Variants in C5orf24 observed in about 807,000 individuals in gnomAD.
The protein encoded by C5orf24 is chromosome 5 open reading frame 24.
In C5orf24, 4 loss-of-function variants were observed where a neutral mutation model predicts 9.8. That is an observed-to-expected ratio of 0.41 (90% CI 0.20 to 0.93). The LOEUF (loss-of-function observed/expected upper bound fraction) is 0.93, where lower values mean the gene tolerates loss of function less well. Ranked by LOEUF, C5orf24 falls within the 40% of genes least tolerant of loss-of-function variation. The pLI is 0.33. For synonymous variants in C5orf24, 73 were observed against 81.3 expected (o/e 0.90, Z 0.55); for missense variants, 170 against 236.9 (o/e 0.72, Z 1.85).
At chr5:134,845,502 TC>T (rs1282503016), upstream of C5orf24, among the ~76,000 whole-genome samples, 4 of 152,332 alleles carry the variant, frequency 2.6e-5, 1 homozygote, top group Middle Eastern at 6.8e-3. Context: ...AGTTTGTTGT[TC>T]CATCCTTTCC....
rs1478601057 is a variant in C5orf24, at chr5:134,846,020, G to C, written c.-196G>C. 1 of 152,342 alleles carries C rather than the reference G, an allele frequency of 6.6e-6. No individual in the cohort carries two copies. The highest frequency in any genetic ancestry group is 1.5e-5 in the Non-Finnish European group (1 of 68,154). The allele number at this position is 152,342 out of a possible 1,614,324, so 9.4% of individuals were successfully genotyped here. A position where few individuals can be genotyped will look rare whatever the true frequency, so the allele number is the denominator to read the frequency against. On this transcript the variant is annotated 5_prime_UTR_variant, in exon 1 of 2. Coordinates refer to ENST00000394976, the MANE Select transcript of C5orf24 (RefSeq NM_001135586.1). ...CGTACTGCGTCCGGGGCAGGACCGT[G>C]CGCGGCGGCCGCGGCGGGTGCTGGG... is the stretch of plus-strand genomic sequence containing the variant.
At chr5:134,848,171 C>T (rs927567156) in intron 1 of C5orf24, among the ~76,000 whole-genome samples, 1 of 151,402 alleles carries the variant, frequency 6.6e-6, no homozygotes, top group Non-Finnish European at 1.5e-5. Context: ...ATTAGCCAGG[C>T]GTGGTGGCTG....
At position 134,846,053 on chromosome 5, in the gene C5orf24, G is replaced by T. The variant is rs925236512; in HGVS notation, c.-163G>T. 2 of 152,328 alleles carry T rather than the reference G, an allele frequency of 1.3e-5. No homozygotes were observed. Among genetic ancestry groups the T allele is most frequent in the African/African-American group, 4.8e-5 (2 of 41,454 alleles). The allele number at this position is 152,328 out of a possible 1,614,324, so 9.4% of individuals were successfully genotyped here. On this transcript the variant is annotated 5_prime_UTR_variant, in exon 1 of 2. Coordinates refer to ENST00000394976, the MANE Select transcript of C5orf24 (RefSeq NM_001135586.1). ...GCCGCGGCGGGTGCTGGGAGCCAGC[G>T]CCTGCCTCGCCGCCGCCCTCGCTGC...
chr5:134,852,012 C>T (rs1251030433), intron 1 of C5orf24, among the ~76,000 whole-genome samples: 1 of 152,250 alleles, frequency 6.6e-6, no homozygotes, highest in Non-Finnish European at 1.5e-5. Context: ...ACGATCTCAG[C>T]TCACTGCAAC....
In C5orf24 at chr5:134,859,031, T is replaced by C. The variant is rs1045608023; in HGVS notation, c.*3564T>C. ...TGAGTTGAGGAGAAAAAAATATATA[T>C]GTGGGTCCATTTATTAGGTTAAAGT... On this transcript the variant is annotated 3_prime_UTR_variant, in exon 2 of 2. Coordinates refer to ENST00000394976, the MANE Select transcript of C5orf24 (RefSeq NM_001135586.1). 6.0e-6 allele frequency: 1 copy of C among 166,908 alleles called. No individual in the cohort carries two copies. The highest frequency in any genetic ancestry group is 1.5e-5 in the Non-Finnish European group (1 of 68,020). 10.3% of individuals were successfully genotyped at this position (166,908 alleles called of 1,614,324 possible).
At position 134,846,020 on chromosome 5, in the gene C5orf24, GCGCGGCGGC is replaced by G. The variant is rs935587305; in HGVS notation, c.-187_-179del. 14 of 152,342 alleles carry G rather than the reference GCGCGGCGGC, an allele frequency of 9.2e-5. No homozygotes were observed. The highest frequency in any genetic ancestry group is 2.9e-4 in the African/African-American group (12 of 41,466). The allele number at this position is 152,342 out of a possible 1,614,324, so 9.4% of individuals were successfully genotyped here. ...CGTACTGCGTCCGGGGCAGGACCGTGCGCGGCGGCCGCGGCGGGTGCTGGGAGCCAGCGC... is the reference window on the plus strand; with the variant it reads ...CGTACTGCGTCCGGGGCAGGACCGTGCGCGGCGGGTGCTGGGAGCCAGCGC... On this transcript the variant is annotated 5_prime_UTR_variant, in exon 1 of 2. Transcript: ENST00000394976.
At position 134,855,010 on chromosome 5, in the gene C5orf24, C is replaced by T; in HGVS notation, c.110C>T (p.Ser37Phe). The T allele has an allele frequency of 6.2e-7, 1 of 1,614,108 alleles. No individual in the cohort carries two copies. Among genetic ancestry groups the T allele is most frequent in the Non-Finnish European group, 8.5e-7 (1 of 1,180,032 alleles). The part of the protein sequence containing the change: ...RAADQFDIYS[S>F]QQSKYSHTVN... ...GCTGATCAGTTTGACATATATTCCT[C>T]CCAGCAAAGCAAATACAGCCACACA... is the stretch of plus-strand genomic sequence containing the variant. The change falls in exon 2 of 2, where the codon TCC becomes TTC. Residue 37 changes from serine (S) to phenylalanine (F), a missense_variant. Ser to Phe is a radical substitution (Grantham distance 155). Around this residue, in one of 3 missense-constraint regions of C5orf24, gnomAD observed 93 missense variants for 104.5 expected, o/e 0.89. Transcript: ENST00000394976.
the C5orf24 span, among the ~76,000 whole-genome samples, chr5:134,835,529 C>T: frequency 1.3e-5 from 2 of 152,114 alleles, no homozygotes; most frequent in African/African-American, 4.8e-5. Context: ...CGCCTATAAT[C>T]CCAGCTACTT....
Position 134,855,951 on chromosome 5 carries a change from G to A in C5orf24, c.*484G>A. On this transcript the variant is annotated 3_prime_UTR_variant, in exon 2 of 2. Coordinates refer to ENST00000394976, the MANE Select transcript of C5orf24 (RefSeq NM_001135586.1). ...TGTAACATTTATTTTCACAAGATGG[G>A]ACACATATTTGTATGCTTTGGCATT... 2 of 1,004,842 alleles carry A rather than the reference G, an allele frequency of 2.0e-6. No individual in the cohort carries two copies. Among genetic ancestry groups the A allele is most frequent in the East Asian group, 1.1e-4 (1 of 8,846 alleles). 62.2% of individuals were successfully genotyped at this position (1,004,842 alleles called of 1,614,324 possible). A position where few individuals can be genotyped will look rare whatever the true frequency, so the allele number is the denominator to read the frequency against.
the C5orf24 span, among the ~76,000 whole-genome samples, chr5:134,839,804 C>T: frequency 6.6e-6 from 1 of 151,224 alleles, no homozygotes; most frequent in Non-Finnish European, 1.5e-5. Flanking sequence ...GTTCTCGTGT[C>T]TGCCTCCTAA....
At chr5:134,850,393 C>T (rs1179028238) in intron 1 of C5orf24, among the ~76,000 whole-genome samples, 3 of 151,376 alleles carry the variant, frequency 2.0e-5, no homozygotes, top group East Asian at 2.0e-4. Context: ...GTGATCCACC[C>T]GCCTTGGCCT....
intron 1 of C5orf24, among the ~76,000 whole-genome samples, chr5:134,851,242 A>T (rs974874043): frequency 8.6e-5 from 13 of 152,044 alleles, no homozygotes; most frequent in Non-Finnish European, 8.8e-5. Context: ...TGTCTTTACT[A>T]ATTCTGGCAT....
chr5:134,845,277 T>TAA (rs1755962183), upstream of C5orf24, among the ~76,000 whole-genome samples: 1 of 152,156 alleles, frequency 6.6e-6, no homozygotes, highest in South Asian at 2.1e-4. Context: ...ATATCCTTCA[T>TAA]TACATGGGGG....
intron 1 of C5orf24, among the ~76,000 whole-genome samples, chr5:134,849,432 TAATA>T (rs1024445941): frequency 7.2e-5 from 11 of 152,322 alleles, no homozygotes; most frequent in African/African-American, 2.6e-4. Flanking sequence ...ATTCCCAACT[TAATA>T]AAGTTGAAGT....
upstream of C5orf24, among the ~76,000 whole-genome samples, chr5:134,841,921 T>G (rs1315929357): frequency 6.6e-6 from 1 of 152,152 alleles, no homozygotes; most frequent in Non-Finnish European, 1.5e-5. Flanking sequence ...TAGAGTCAAG[T>G]GGAATCACAT....
intron 1 of C5orf24, among the ~76,000 whole-genome samples, chr5:134,850,961 A>C (rs551316268): frequency 6.7e-6 from 1 of 149,692 alleles, no homozygotes; most frequent in East Asian, 1.9e-4. Flanking sequence ...CACACTACAC[A>C]CACATACATA....
At chr5:134,840,276 C>T in the C5orf24 span, among the ~76,000 whole-genome samples, 1 of 134,986 alleles carries the variant, frequency 7.4e-6, no homozygotes, top group African/African-American at 2.9e-5. Context: ...CACCCCACTA[C>T]AGCCTGGCGA....
chr5:134,856,112 G>C lies in C5orf24; in HGVS notation c.*645G>C. 1.0e-6 allele frequency: 1 copy of C among 1,000,390 alleles called. No individual in the cohort carries two copies. Among genetic ancestry groups the C allele is most frequent in the Non-Finnish European group, 1.2e-6 (1 of 830,080 alleles). The allele number at this position is 1,000,390 out of a possible 1,614,324, so 62.0% of individuals were successfully genotyped here. On this transcript the variant is annotated 3_prime_UTR_variant, in exon 2 of 2. Transcript: ENST00000394976. ...ATTCTTCAGTGTTTGCCTTTGAGCA[G>C]TGATAGGTTGTGTATTTTTTAATTG...
At position 134,855,159 on chromosome 5, in the gene C5orf24, T is replaced by A. The variant is rs142019018; in HGVS notation, c.259T>A (p.Ser87Thr). 6.2e-7 allele frequency: 1 copy of A among 1,614,006 alleles called. No homozygotes were observed. Among genetic ancestry groups the A allele is most frequent in the Non-Finnish European group, 8.5e-7 (1 of 1,180,006 alleles). Residue 87 changes from serine to threonine, a missense_variant, in exon 2 of 2, where the codon TCT becomes ACT. Physicochemically the swap from Ser to Thr is moderately conservative, Grantham distance 58. Coordinates refer to ENST00000394976, the MANE Select transcript of C5orf24 (RefSeq NM_001135586.1). ...ELKKKKNLNRSGKRGRPSGTT... is the reference protein window; with the variant it reads ...ELKKKKNLNRTGKRGRPSGTT... ...AAAGAAAAAGAAGAATCTCAACCGA[T>A]CTGGTAAGCGTGGCCGGCCTTCGGG...
Sources: allele counts gnomAD v4.1 joint callset (sites outside exome capture counted in the v4.1 genomes callset), GRCh38; gene constraint gnomAD v4.1.1; regional missense constraint gnomAD v4.1.1; transcripts MANE v1.5; gene names NCBI Gene and HGNC (gene_info 2026-07-23, HGNC 2026-07-21).